Variants in MBD5 observed in about 807,000 individuals in gnomAD.
MBD5 encodes the protein methyl-CpG-binding domain protein 5.
MBD5 carries 13 observed loss-of-function variants against 117.3 expected under a neutral mutation model. The ratio of observed to expected loss-of-function variants is 0.11; its 90% CI spans 0.07 to 0.18. The LOEUF (loss-of-function observed/expected upper bound fraction) is 0.18. Ranked by LOEUF, MBD5 falls within the 10% of genes least tolerant of loss-of-function variation. MBD5 has a pLI of 1.00. For missense variants in MBD5, 1,879 were observed against 2,093.8 expected (o/e 0.90, Z 2.00); for synonymous variants, 727 against 766.4 (o/e 0.95, Z 0.85).
At chr2:148,392,945 C>A (rs1015481430) in intron 4 of MBD5, among the ~76,000 whole-genome samples, 1 of 152,080 alleles carries the variant, frequency 6.6e-6, no homozygotes, top group African/African-American at 2.4e-5. Context: ...TATTTAATGT[C>A]ATTGCAAATT....
intron 2 of MBD5, among the ~76,000 whole-genome samples, chr2:148,231,818 C>T (rs1558983294): frequency 6.6e-6 from 1 of 152,010 alleles, no homozygotes; most frequent in Non-Finnish European, 1.5e-5. Context: ...ATACTTAATT[C>T]CAAATGACAT....
intron 1 of MBD5, 114 bp from the exon 2 acceptor site, chr2:148,178,586 C>G: frequency 2.6e-6 from 1 of 383,382 alleles, no homozygotes; most frequent in Non-Finnish European, 4.6e-6. Flanking sequence ...ATCCCTTTGC[C>G]CAGGCTTATT....
intron 2 of MBD5, chr2:148,196,072 T>C (rs1300496850): frequency 6.6e-6 from 1 of 152,168 alleles, no homozygotes; most frequent in Non-Finnish European, 1.5e-5. Flanking sequence ...CTGGCTGTTA[T>C]CTTTGCACAG....
chr2:148,087,315 A>G (rs1277581774), intron 1 of MBD5, among the ~76,000 whole-genome samples: 1 of 152,216 alleles, frequency 6.6e-6, no homozygotes, highest in Admixed American at 6.5e-5. Context: ...CGCTCCAAGG[A>G]AAGAGAAGAC....
intron 4 of MBD5, among the ~76,000 whole-genome samples, chr2:148,373,070 GA>G (rs1264915544): frequency 6.6e-6 from 1 of 152,042 alleles, no homozygotes; most frequent in African/African-American, 2.4e-5. Flanking sequence ...ATTTTTTAAA[GA>G]ATTACGTTTT....
At chr2:148,368,022 C>T (rs570731379) in intron 4 of MBD5, among the ~76,000 whole-genome samples, 2 of 152,256 alleles carry the variant, frequency 1.3e-5, no homozygotes, top group East Asian at 3.9e-4. Context: ...AAGACACATG[C>T]TCATGTACGT....
intron 1 of MBD5, among the ~76,000 whole-genome samples, chr2:148,066,490 T>C (rs1282590452): frequency 1.3e-5 from 2 of 151,102 alleles, no homozygotes; most frequent in East Asian, 1.9e-4. Context: ...TTTTTCTTTT[T>C]TTTTTTTTTT....
At chr2:148,202,240 A>T (rs1381597334) in intron 2 of MBD5, among the ~76,000 whole-genome samples, 2 of 152,228 alleles carry the variant, frequency 1.3e-5, no homozygotes, top group Non-Finnish European at 2.9e-5. Flanking sequence ...TTCTAAAGAG[A>T]AAAATAAAGC....
chr2:148,404,454 A>G (rs552038725), intron 4 of MBD5, among the ~76,000 whole-genome samples: 2 of 146,760 alleles, frequency 1.4e-5, no homozygotes, highest in Admixed American at 6.8e-5. Flanking sequence ...GGAAACTTCT[A>G]TAGATCCCTG....
chr2:148,317,898 GA>G (rs1223746581), intron 3 of MBD5, among the ~76,000 whole-genome samples: 1 of 152,136 alleles, frequency 6.6e-6, no homozygotes, highest in East Asian at 1.9e-4. Flanking sequence ...TTTGCTTTGT[GA>G]ATAGTGCTGC....
intron 4 of MBD5, among the ~76,000 whole-genome samples, chr2:148,394,928 C>A (rs1704667980): frequency 6.6e-6 from 1 of 152,122 alleles, no homozygotes; most frequent in Admixed American, 6.5e-5. Flanking sequence ...TTAGGTTTTT[C>A]ATTCCTGTTT....
At chr2:148,244,754 T>A (rs1700296669) in intron 3 of MBD5, among the ~76,000 whole-genome samples, 1 of 152,164 alleles carries the variant, frequency 6.6e-6, no homozygotes, top group Non-Finnish European at 1.5e-5. Flanking sequence ...GGACCTGGAT[T>A]TGCAGGTCTG....
chr2:148,424,177 CAAA>C (rs56740583), intron 4 of MBD5, among the ~76,000 whole-genome samples: 10 of 53,426 alleles, frequency 1.9e-4, no homozygotes, highest in African/African-American at 3.0e-4. Context: ...GACTCTGTCT[CAAA>C]AAAAAAAAAA....
intron 4 of MBD5, among the ~76,000 whole-genome samples, chr2:148,356,457 G>C (rs1251646639): frequency 1.3e-5 from 2 of 152,054 alleles, no homozygotes; most frequent in Admixed American, 6.6e-5. Context: ...TAAGCTTCAA[G>C]AAGGGAGAGA....
chr2:148,203,417 T>TCA (rs1293479378), intron 2 of MBD5, among the ~76,000 whole-genome samples: 1 of 152,246 alleles, frequency 6.6e-6, no homozygotes, highest in African/African-American at 2.4e-5. Context: ...TGCACTCTGA[T>TCA]GACATTTTTC....
chr2:148,189,311 GACAA>G, intron 2 of MBD5, among the ~76,000 whole-genome samples: 1 of 151,060 alleles, frequency 6.6e-6, no homozygotes, highest in Middle Eastern at 3.4e-3. Flanking sequence ...GCAGGGCACA[GACAA>G]ACAAAAAGAC....
At chr2:148,262,071 A>G (rs765821800) in intron 3 of MBD5, among the ~76,000 whole-genome samples, 8 of 152,218 alleles carry the variant, frequency 5.3e-5, no homozygotes, top group Non-Finnish European at 8.8e-5. Context: ...TCACTATATT[A>G]GATGCAATAA....
At chr2:148,443,336 G>A (rs1199753779) in intron 4 of MBD5, among the ~76,000 whole-genome samples, 1 of 151,258 alleles carries the variant, frequency 6.6e-6, no homozygotes, top group Non-Finnish European at 1.5e-5. Context: ...ACAGTTTGGA[G>A]GTTCCTCACA....
In MBD5 at chr2:148,387,434, A is replaced by G. The variant is rs185897350; in HGVS notation, c.-557+45098A>G. On this transcript the variant is annotated intron_variant, in intron 4 of 13. Transcript: ENST00000642680. ...TGAAGATAATCTGTGAAGAACATACAGCAAGTATCATTCTTCCCAATGAAG... is the reference window on the plus strand; with the variant it reads ...TGAAGATAATCTGTGAAGAACATACGGCAAGTATCATTCTTCCCAATGAAG... Among the ~76,000 whole-genome samples the G allele has an allele frequency of 3.3e-5, 5 of 152,312 alleles. No homozygotes were observed. In the East Asian group the frequency reaches 7.7e-4, roughly 23 times the overall value.
Sources: gnomAD v4.1 joint callset for allele counts (sites outside exome capture counted in the v4.1 genomes callset) on GRCh38, gnomAD v4.1.1 for gene constraint, MANE v1.5 for transcripts, NCBI Gene and HGNC (gene_info 2026-07-23, HGNC 2026-07-21) for gene names.